Variants in UBP1 observed in about 807,000 individuals in gnomAD.
UBP1 encodes the protein upstream-binding protein 1.
UBP1 carries 22 observed loss-of-function variants against 76.1 expected under a neutral mutation model. The observed-to-expected ratio is 0.29, with a 90% CI of 0.21 to 0.41. UBP1 has a LOEUF of 0.41. UBP1 is among the 10% of genes least tolerant of loss of function. The pLI is 1.00. For missense variants in UBP1, 436 were observed against 668.1 expected (o/e 0.65, Z 3.83); for synonymous variants, 224 against 237.1 (o/e 0.94, Z 0.51).
At chr3:33,431,368 C>A (rs1244107161) in intron 1 of UBP1, among the ~76,000 whole-genome samples, 3 of 152,078 alleles carry the variant, frequency 2.0e-5, no homozygotes, top group African/African-American at 7.2e-5. Context: ...ATTCAAGAAG[C>A]CCAAATGACC....
chr3:33,393,227 G>A, intron 14 of UBP1, 85 bp downstream of exon 14: 1 of 1,339,028 alleles, frequency 7.5e-7, no homozygotes. Context: ...TTCAAAAGAG[G>A]TCACAGAATT....
rs1355471533 is a variant in UBP1, at chr3:33,388,505, A to AT, written c.*1825dup. ...TTTCAAGTCTGATAAGCATCTAAGT[A>AT]TTTTTACCCCGCTTCTAAAACCTGA... On this transcript the variant is annotated 3_prime_UTR_variant, in exon 16 of 16. Coordinates refer to ENST00000283629, the MANE Select transcript of UBP1 (RefSeq NM_014517.5). The AT allele has an allele frequency of 6.6e-6, 1 of 152,616 alleles. No homozygotes were observed. The allele number at this position is 152,616 out of a possible 1,614,324, so 9.5% of individuals were successfully genotyped here.
chr3:33,438,091 TA>T (rs2045230719), intron 1 of UBP1, among the ~76,000 whole-genome samples: 1 of 152,182 alleles, frequency 6.6e-6, no homozygotes, highest in Non-Finnish European at 1.5e-5. Context: ...CACATTACTT[TA>T]AAAATACATG....
chr3:33,406,782 G>A (rs1056778666), intron 8 of UBP1, among the ~76,000 whole-genome samples: 9 of 152,156 alleles, frequency 5.9e-5, no homozygotes, highest in Admixed American at 2.0e-4. Flanking sequence ...CCCTCCCCAG[G>A]TAAAGAATGA....
intron 1 of UBP1, among the ~76,000 whole-genome samples, chr3:33,439,473 G>A (rs1181428852): frequency 6.6e-6 from 1 of 152,236 alleles, no homozygotes; most frequent in African/African-American, 2.4e-5. Flanking sequence ...TAATAGCTGG[G>A]CGTGTTTTAC....
At chr3:33,432,257 G>A (rs2045127370) in intron 1 of UBP1, among the ~76,000 whole-genome samples, 1 of 152,140 alleles carries the variant, frequency 6.6e-6, no homozygotes, top group African/African-American at 2.4e-5. Flanking sequence ...CTAGGAAGTC[G>A]AGGCTGCAGT....
chr3:33,409,670 C>G, intron 5 of UBP1, 69 bp from the exon 6 acceptor site: 1 of 1,584,722 alleles, frequency 6.3e-7, no homozygotes. Flanking sequence ...TTTGTTCCCT[C>G]TTGAGTGACC....
chr3:33,407,547 TAAA>T (rs35830232), intron 8 of UBP1, among the ~76,000 whole-genome samples: 12 of 135,628 alleles, frequency 8.8e-5, no homozygotes, highest in Admixed American at 1.5e-4. Flanking sequence ...CGAATTTATT[TAAA>T]AAAAAAAAAA....
chr3:33,436,893 T>C (rs1300209554), intron 1 of UBP1, among the ~76,000 whole-genome samples: 1 of 152,164 alleles, frequency 6.6e-6, no homozygotes, highest in African/African-American at 2.4e-5. Context: ...GATAATGCAT[T>C]TACAGTATAA....
Position 33,388,468 on chromosome 3 carries a change from C to T in UBP1, c.*1863G>A, listed in dbSNP as rs1467659032. 2.0e-5 allele frequency: 3 copies of T among 152,578 alleles called. No homozygotes were observed. The highest frequency in any genetic ancestry group is 4.4e-5 in the Non-Finnish European group (3 of 68,034). The allele number at this position is 152,578 out of a possible 1,614,324, so 9.5% of individuals were successfully genotyped here. A position where few individuals can be genotyped will look rare whatever the true frequency, so the allele number is the denominator to read the frequency against. On this transcript the variant is annotated 3_prime_UTR_variant, in exon 16 of 16. Transcript: ENST00000283629. ...ACTGGGACAAACTCACGTTCAATGCCACTCAGTATAATTTCAAGTCTGATA... is the reference window on the plus strand; with the variant it reads ...ACTGGGACAAACTCACGTTCAATGCTACTCAGTATAATTTCAAGTCTGATA...
At position 33,439,973 on chromosome 3, in the gene UBP1, C is replaced by A. The variant is rs1349837599; in HGVS notation, c.-125G>T. The A allele has an allele frequency of 2.0e-6, 2 of 990,152 alleles. No homozygotes were observed. The highest frequency in any genetic ancestry group is 3.5e-5 in the African/African-American group (2 of 57,474). 61.3% of individuals were successfully genotyped at this position (990,152 alleles called of 1,614,324 possible). ...CCTCCGGAGGGGCGGCGAGTGGTCA[C>A]CAGCGGCGGCCGGGACGAGAGCTGC... On this transcript the variant is annotated 5_prime_UTR_variant, in exon 1 of 16. Coordinates refer to ENST00000283629, the MANE Select transcript of UBP1 (RefSeq NM_014517.5).
At position 33,390,237 on chromosome 3, in the gene UBP1, G is replaced by A. The variant is rs1424170575; in HGVS notation, c.*94C>T. On this transcript the variant is annotated 3_prime_UTR_variant, in exon 16 of 16. Transcript: ENST00000283629. ...TTTTCAATATGAAACATTTCATATG[G>A]TAAAATCCAATCCCAAGACTTCTTG... 2 of 1,291,172 alleles carry A rather than the reference G, an allele frequency of 1.5e-6. No individual in the cohort carries two copies. The highest frequency in any genetic ancestry group is 2.2e-6 in the Non-Finnish European group (2 of 906,708). The allele number at this position is 1,291,172 out of a possible 1,614,324, so 80.0% of individuals were successfully genotyped here. A position where few individuals can be genotyped will look rare whatever the true frequency, so the allele number is the denominator to read the frequency against.
At chr3:33,428,322 G>T (rs2045055704) in intron 1 of UBP1, among the ~76,000 whole-genome samples, 1 of 151,660 alleles carries the variant, frequency 6.6e-6, no homozygotes, top group African/African-American at 2.4e-5. Flanking sequence ...CAGAGAGAAA[G>T]AAAACAAGAA....
intron 2 of UBP1, among the ~76,000 whole-genome samples, chr3:33,422,438 C>T (rs2044919975): frequency 6.6e-6 from 1 of 151,650 alleles, no homozygotes; most frequent in South Asian, 2.1e-4. Flanking sequence ...AAAAAAAGGC[C>T]AGGTTCAGTG....
intron 3 of UBP1, chr3:33,416,150 G>C (rs1449426460): frequency 9.2e-5 from 14 of 152,168 alleles, no homozygotes; most frequent in Admixed American, 9.2e-4. Context: ...CTAACACTTA[G>C]TTAGCCACAT....
At chr3:33,412,914 AG>A in intron 3 of UBP1, 87 bp from the exon 4 acceptor site, 1 of 866,586 alleles carries the variant, frequency 1.2e-6, no homozygotes, top group Non-Finnish European at 2.0e-6. Context: ...GTTAACCTGT[AG>A]CAGTAGAACA....
chr3:33,416,688 AT>A (rs200673229), intron 3 of UBP1, 69 bp downstream of exon 3: 464 of 1,218,012 alleles, frequency 3.8e-4, no homozygotes, highest in South Asian at 7.7e-4. Context: ...AGTGAAATTA[AT>A]TTTTTTTTAA....
intron 1 of UBP1, among the ~76,000 whole-genome samples, chr3:33,432,206 C>T (rs1358918538): frequency 1.3e-5 from 2 of 151,772 alleles, no homozygotes; most frequent in East Asian, 3.9e-4. Flanking sequence ...TACTCATAAA[C>T]TCAGCTACTA....
chr3:33,427,192 T>G (rs1313039889), intron 1 of UBP1, among the ~76,000 whole-genome samples: 1 of 152,206 alleles, frequency 6.6e-6, no homozygotes, highest in Non-Finnish European at 1.5e-5. Context: ...CTCAAACTCC[T>G]GGCCTCAAGT....
Sources: gnomAD v4.1 joint callset for allele counts (sites outside exome capture counted in the v4.1 genomes callset) on GRCh38, gnomAD v4.1.1 for gene constraint, MANE v1.5 for transcripts, NCBI Gene and HGNC (gene_info 2026-07-23, HGNC 2026-07-21) for gene names.